FOXP2: variants seen among roughly 807,000 people sequenced by gnomAD.
FOXP2 encodes the protein forkhead box P2.
A neutral mutation model predicts 115.8 loss-of-function variants in FOXP2; 12 were observed. The ratio of observed to expected loss-of-function variants is 0.10; its 90% confidence interval spans 0.07 to 0.17. The LOEUF (loss-of-function observed/expected upper bound fraction) is 0.17, where lower values mean the gene tolerates loss of function less well. Among genes scored for constraint, FOXP2 ranks in the 10% least tolerant of loss-of-function variants. FOXP2 has a pLI of 1.00. For synonymous variants in FOXP2, 328 were observed against 297.7 expected, an observed-to-expected ratio of 1.10 and a Z score of -1.05; for missense variants, 629 against 843.5, an observed-to-expected ratio of 0.75 and a Z score of 3.15.
rs112041938 is a variant in FOXP2 at position 114,166,442 on chromosome 7, G to T, written c.-102+3354G>T. On this transcript the variant is annotated intron_variant, in intron 1 of 17. Transcript: ENST00000634411. ...CATATGGCCAGGTGTGGTGGCTCAC[G>T]CCTGTAATCCCAACACTTTGGGAGT... Among the ~76,000 whole-genome samples the T allele has an allele frequency of 5.8e-3, 878 of 152,220 alleles. 13 individuals carry two copies. The highest frequency in any genetic ancestry group is 0.02 in the African/African-American group (834 of 41,538).
chr7:114,581,749 C>T (rs1403054467), intron 3 of FOXP2, among the ~76,000 whole-genome samples: 1 of 152,124 alleles, frequency 6.6e-6, no homozygotes, highest in Non-Finnish European at 1.5e-5. Flanking sequence ...GCTACAAATC[C>T]TTTGTGTTTT....
intron 2 of FOXP2, among the ~76,000 whole-genome samples, chr7:114,304,234 T>C (rs925144105): frequency 2.6e-5 from 4 of 152,096 alleles, no homozygotes; most frequent in African/African-American, 9.7e-5. Flanking sequence ...TTTTACATCT[T>C]AAACTCCAGT....
intron 2 of FOXP2, among the ~76,000 whole-genome samples, chr7:114,448,470 C>T (rs1794930595): frequency 6.6e-6 from 1 of 152,050 alleles, no homozygotes; most frequent in Non-Finnish European, 1.5e-5. Flanking sequence ...AATAAAGTTA[C>T]ATTTAAATAA....
chr7:114,315,068 T>C (rs1797242227), intron 2 of FOXP2, among the ~76,000 whole-genome samples: 1 of 152,206 alleles, frequency 6.6e-6, no homozygotes, highest in Non-Finnish European at 1.5e-5. Context: ...GCATATACTT[T>C]GCCTCTGTAA....
intron 1 of FOXP2, among the ~76,000 whole-genome samples, chr7:114,124,685 A>T (rs1279631494): frequency 1.3e-5 from 2 of 152,044 alleles, no homozygotes; most frequent in African/African-American, 4.8e-5. Context: ...CAACATCTAA[A>T]TAGTATACAT....
chr7:114,392,264 G>A (rs553859651), intron 2 of FOXP2, among the ~76,000 whole-genome samples: 4 of 152,302 alleles, frequency 2.6e-5, no homozygotes, highest in East Asian at 3.9e-4. Flanking sequence ...GCCAGTATGC[G>A]TGGTTGGAGT....
chr7:114,087,103 G>A (rs924403085), upstream of FOXP2, among the ~76,000 whole-genome samples: 4 of 151,934 alleles, frequency 2.6e-5, no homozygotes, highest in African/African-American at 9.7e-5. Context: ...AACATCTGGC[G>A]GTTAGAAGCA....
intron 2 of FOXP2, among the ~76,000 whole-genome samples, chr7:114,437,367 G>A (rs1794402623): frequency 1.3e-5 from 2 of 152,168 alleles, no homozygotes; most frequent in Non-Finnish European, 2.9e-5. Flanking sequence ...AGTCTTCCAA[G>A]TGTACATGGA....
intron 10 of FOXP2, among the ~76,000 whole-genome samples, chr7:114,657,701 C>A (rs1225587610): frequency 6.6e-6 from 1 of 152,126 alleles, no homozygotes; most frequent in Non-Finnish European, 1.5e-5. Context: ...AACATTGCAT[C>A]CTTCATTATT....
At chr7:114,170,044 T>A (rs562328095) in intron 1 of FOXP2, among the ~76,000 whole-genome samples, 4 of 152,202 alleles carry the variant, frequency 2.6e-5, no homozygotes, top group Non-Finnish European at 5.9e-5. Flanking sequence ...TATGTCTTTA[T>A]CAGCAGCATG....
intron 2 of FOXP2, among the ~76,000 whole-genome samples, chr7:114,466,326 C>A (rs1203667957): frequency 2.0e-5 from 3 of 152,202 alleles, no homozygotes; most frequent in Non-Finnish European, 4.4e-5. Context: ...CCCAGGATTT[C>A]AGTCAGGTGA....
chr7:114,562,765 C>G (rs1329077818), intron 3 of FOXP2, among the ~76,000 whole-genome samples: 1 of 82,560 alleles, frequency 1.2e-5, no homozygotes, highest in Admixed American at 1.4e-4. Flanking sequence ...AGACAATTAT[C>G]TTAACCCTGT....
chr7:114,627,625 T>C lies in FOXP2; in HGVS notation c.259-915T>C, dbSNP rs1456026. Among the ~76,000 whole-genome samples, 1,369 of 152,252 alleles carry C rather than the reference T, an allele frequency of 9.0e-3. 23 individuals are homozygous for C. The highest frequency in any genetic ancestry group is 0.031 in the African/African-American group (1,286 of 41,580). On this transcript the variant is annotated intron_variant, in intron 3 of 16. Coordinates refer to ENST00000350908, the MANE Select transcript of FOXP2 (RefSeq NM_014491.4). ...ACTAGCTTGTCCTTTTTCTACGTTTTCCTTACTTCCTTCCTTCTTTCTCCT... is the reference window on the plus strand; with the variant it reads ...ACTAGCTTGTCCTTTTTCTACGTTTCCCTTACTTCCTTCCTTCTTTCTCCT...
At chr7:114,504,286 C>T (rs1345497927) in intron 2 of FOXP2, among the ~76,000 whole-genome samples, 2 of 151,446 alleles carry the variant, frequency 1.3e-5, no homozygotes, top group African/African-American at 4.8e-5. Context: ...ACTTTTTTCT[C>T]TCCATTTGCC....
chr7:114,329,752 C>T (rs1797653175), intron 2 of FOXP2, among the ~76,000 whole-genome samples: 2 of 151,928 alleles, frequency 1.3e-5, no homozygotes, highest in Non-Finnish European at 2.9e-5. Context: ...AACCAGCTCA[C>T]TGCAACCTCC....
intron 3 of FOXP2, among the ~76,000 whole-genome samples, chr7:114,576,004 A>G (rs1801558046): frequency 6.6e-6 from 1 of 151,832 alleles, no homozygotes; most frequent in Admixed American, 6.6e-5. Flanking sequence ...TACTGTGTTT[A>G]TTTTTGAGTA....
intron 1 of FOXP2, among the ~76,000 whole-genome samples, chr7:114,135,419 C>A (rs1792013581): frequency 6.6e-6 from 1 of 152,108 alleles, no homozygotes; most frequent in Non-Finnish European, 1.5e-5. Context: ...TTGCTGTTGG[C>A]TGTGTAAGGT....
intron 7 of FOXP2, among the ~76,000 whole-genome samples, chr7:114,643,174 G>A (rs1030509457): frequency 2.0e-5 from 3 of 152,040 alleles, no homozygotes; most frequent in Admixed American, 2.0e-4. Flanking sequence ...TAGTTTGGGA[G>A]TTTGCCTGAA....
At chr7:114,493,585 A>G (rs186747951) in intron 2 of FOXP2, among the ~76,000 whole-genome samples, 1 of 152,258 alleles carries the variant, frequency 6.6e-6, no homozygotes, top group South Asian at 2.1e-4. Flanking sequence ...ATTTATGTAC[A>G]AAACACTAAG....
Sources: gnomAD v4.1 joint callset for allele counts (sites outside exome capture counted in the v4.1 genomes callset) on GRCh38, gnomAD v4.1.1 for gene constraint, MANE v1.5 for transcripts, NCBI Gene and HGNC (gene_info 2026-07-23, HGNC 2026-07-21) for gene names.